The following DSCAM variants were observed in gnomAD, a reference collection of about 807,000 sequenced individuals.
The protein encoded by DSCAM is cell adhesion molecule DSCAM.
Under a neutral mutation model 217.7 loss-of-function variants are expected in DSCAM, and 47 were observed. That is an observed-to-expected ratio of 0.22 (90% CI 0.17 to 0.28). DSCAM has a LOEUF of 0.28. DSCAM is among the 10% of genes least tolerant of loss of function. DSCAM has a pLI of 1.00. For missense variants in DSCAM, 2,080 were observed against 2,618.3 expected, an observed-to-expected ratio of 0.79 and a Z score of 4.49; for synonymous variants, 1,056 against 1,015.3, an observed-to-expected ratio of 1.04 and a Z score of -0.76.
chr21:40,735,123 A>G (rs967867439), intron 1 of DSCAM, among the ~76,000 whole-genome samples: 2 of 152,356 alleles, frequency 1.3e-5, no homozygotes. Context: ...TGTTATTTGC[A>G]TGTATCACAC....
intron 3 of DSCAM, among the ~76,000 whole-genome samples, chr21:40,517,418 C>T (rs1258101181): frequency 6.6e-6 from 1 of 151,202 alleles, no homozygotes. Context: ...CACACACACA[C>T]ACACACACAC....
At chr21:40,614,944 T>C (rs960717143) in intron 3 of DSCAM, among the ~76,000 whole-genome samples, 2 of 151,458 alleles carry the variant, frequency 1.3e-5, no homozygotes, top group Non-Finnish European at 2.9e-5. Context: ...TATATTTATG[T>C]TTTTATTATA....
At chr21:40,231,868 A>G (rs1424779493) in intron 11 of DSCAM, among the ~76,000 whole-genome samples, 1 of 152,158 alleles carries the variant, frequency 6.6e-6, no homozygotes, top group Non-Finnish European at 1.5e-5. Flanking sequence ...TCAGAGCTGA[A>G]ATTAAAAGTT....
intron 3 of DSCAM, among the ~76,000 whole-genome samples, chr21:40,469,110 C>A (rs2075867870): frequency 6.6e-6 from 1 of 152,240 alleles, no homozygotes; most frequent in South Asian, 2.1e-4. Flanking sequence ...TGAACTTACA[C>A]CCGAAGGTCA....
At chr21:40,080,407 T>G in intron 24 of DSCAM, 67 bp from the exon 25 acceptor site, 1 of 1,331,806 alleles carries the variant, frequency 7.5e-7, no homozygotes, top group South Asian at 1.6e-5. Flanking sequence ...GACTGATGCT[T>G]GCATTTTGTG....
chr21:40,247,943 C>T (rs2073248575), intron 11 of DSCAM, among the ~76,000 whole-genome samples: 1 of 152,342 alleles, frequency 6.6e-6, no homozygotes, highest in East Asian at 1.9e-4. Flanking sequence ...ATTCCCAAAC[C>T]TCAATTCTTG....
At chr21:40,026,060 T>C (rs1317761718) in intron 32 of DSCAM, among the ~76,000 whole-genome samples, 1 of 142,620 alleles carries the variant, frequency 7.0e-6, no homozygotes, top group Non-Finnish European at 1.6e-5. Context: ...CCAGAGATTC[T>C]GGTATGTTGT....
intron 3 of DSCAM, among the ~76,000 whole-genome samples, chr21:40,539,099 A>G (rs1004926142): frequency 6.6e-6 from 1 of 152,138 alleles, no homozygotes; most frequent in East Asian, 1.9e-4. Flanking sequence ...TTTACAGACA[A>G]GCTTTAGGGG....
At chr21:40,729,151 C>T (rs1601182146) in intron 1 of DSCAM, among the ~76,000 whole-genome samples, 1 of 152,196 alleles carries the variant, frequency 6.6e-6, no homozygotes, top group East Asian at 1.9e-4. Context: ...AATCTAAATA[C>T]AAAACCTTAT....
At chr21:40,662,904 CAGGGTAAGGT>C (rs2090153853) in intron 3 of DSCAM, among the ~76,000 whole-genome samples, 1 of 152,038 alleles carries the variant, frequency 6.6e-6, no homozygotes, top group East Asian at 1.9e-4. Flanking sequence ...GCAGCCTGAA[CAGGGTAAGGT>C]AGGAAGTAAA....
At chr21:40,686,841 C>T (rs2090484523) in intron 3 of DSCAM, among the ~76,000 whole-genome samples, 1 of 152,170 alleles carries the variant, frequency 6.6e-6, no homozygotes. Context: ...CTTTTAATTA[C>T]TTTCAGGTGG....
intron 3 of DSCAM, among the ~76,000 whole-genome samples, chr21:40,528,887 C>T (rs918847434): frequency 1.8e-4 from 25 of 137,896 alleles, no homozygotes; most frequent in African/African-American, 6.9e-4. Context: ...TGGCAATGTC[C>T]AGGCTTTCCA....
At chr21:40,627,913 T>G (rs1013506337) in intron 3 of DSCAM, among the ~76,000 whole-genome samples, 1 of 152,232 alleles carries the variant, frequency 6.6e-6, no homozygotes, top group African/African-American at 2.4e-5. Flanking sequence ...CTGCTGTGTT[T>G]TTGTCTTCTC....
Position 40,142,561 on chromosome 21 carries a change from C to T in DSCAM, c.3403G>A (p.Gly1135Arg), listed in dbSNP as rs973115851. The T allele has an allele frequency of 1.1e-5, 18 of 1,613,930 alleles. No individual in the cohort carries two copies. The highest frequency in any genetic ancestry group is 1.2e-5 in the Non-Finnish European group (14 of 1,179,946). ...AGTCCTAGTTTAGTCCTCTTACCTC[C>T]GTCCATGAGGTTGGCCCAGTAAATG... ...RVIYWANLMD[G>R]ELGEIKNITT... Residue 1135 changes from glycine to arginine, a missense_variant, in exon 18 of 33, where the codon GGA becomes AGA. Gly to Arg is a moderately radical substitution (Grantham distance 125). Around this residue, in one of 5 missense-constraint regions of DSCAM, gnomAD observed 1,144 missense variants for 1,421.1 expected, o/e 0.81. Transcript: ENST00000400454.
At position 40,371,457 on chromosome 21, in the gene DSCAM, C is replaced by T. The variant is rs141000862; in HGVS notation, c.509-2212G>A. Among the ~76,000 whole-genome samples, 164 of 151,376 alleles carry T rather than the reference C, an allele frequency of 1.1e-3. 2 individuals are homozygous for T. In the East Asian group the frequency reaches 0.026, roughly 24 times the overall value. On this transcript the variant is annotated intron_variant, in intron 3 of 32. Transcript: ENST00000400454. ...AAAAGATGATGTATGTAATTCCTGT[C>T]ACCTTCTTAGCGTGGAGTATTTTCA...
intron 3 of DSCAM, among the ~76,000 whole-genome samples, chr21:40,597,156 C>T (rs988703481): frequency 6.6e-6 from 1 of 152,134 alleles, no homozygotes; most frequent in Non-Finnish European, 1.5e-5. Flanking sequence ...GCACTCACAA[C>T]ATAATGCATA....
chr21:40,285,308 G>T (rs575835324), intron 10 of DSCAM, among the ~76,000 whole-genome samples: 2 of 152,334 alleles, frequency 1.3e-5, no homozygotes, highest in African/African-American at 4.8e-5. Context: ...TCTTCAGTGT[G>T]ACTGCCTACA....
intron 1 of DSCAM, among the ~76,000 whole-genome samples, chr21:40,788,390 T>C (rs995442078): frequency 3.3e-5 from 5 of 152,236 alleles, no homozygotes; most frequent in Non-Finnish European, 7.3e-5. Context: ...AGTGTAACTT[T>C]TTTTTAATGA....
At chr21:40,371,718 T>A (rs956058891) in intron 3 of DSCAM, among the ~76,000 whole-genome samples, 1 of 152,172 alleles carries the variant, frequency 6.6e-6, no homozygotes, top group Non-Finnish European at 1.5e-5. Context: ...AACTTGAACC[T>A]TTGATTGTCT....
Sources: gnomAD v4.1 joint callset for allele counts (sites outside exome capture counted in the v4.1 genomes callset) on GRCh38, gnomAD v4.1.1 for gene constraint, gnomAD v4.1.1 regional missense constraint, MANE v1.5 for transcripts, NCBI Gene and HGNC (gene_info 2026-07-23, HGNC 2026-07-21) for gene names.